SP110: variants seen among roughly 807,000 people sequenced by gnomAD.
SP110 encodes SP110 nuclear body protein.
In SP110, 62 loss-of-function variants were observed where a neutral mutation model predicts 92.7. That is an observed-to-expected ratio of 0.67 (90% CI 0.55 to 0.83). SP110 has a LOEUF of 0.83. SP110 is among the 40% of genes least tolerant of loss of function. The pLI is 0.00. For synonymous variants in SP110, 273 were observed against 305.3 expected (o/e 0.89, Z 1.10); for missense variants, 793 against 863.9 (o/e 0.92, Z 1.03).
intron 9 of SP110, among the ~76,000 whole-genome samples, chr2:230,201,616 C>T (rs1384213096): frequency 1.3e-5 from 2 of 152,174 alleles, no homozygotes; most frequent in African/African-American, 4.8e-5. Context: ...AACTGAAGAG[C>T]ACATATAAAG....
At chr2:230,186,658 G>C (rs75031524) in intron 10 of SP110, among the ~76,000 whole-genome samples, 2,744 of 151,910 alleles carry the variant, frequency 0.018, 74 homozygotes, top group African/African-American at 0.063. Flanking sequence ...CCCCTCCTCC[G>C]TCCCTCTCCT....
At chr2:230,183,696 T>C (rs767007337) in intron 11 of SP110, 56 bp from the exon 12 acceptor site, 34 of 1,113,502 alleles carry the variant, frequency 3.1e-5, no homozygotes, top group South Asian at 1.9e-4. Context: ...ATAAGCCTCA[T>C]AGGTTAACAA....
intron 14 of SP110, among the ~76,000 whole-genome samples, chr2:230,177,118 T>C (rs2041897579): frequency 6.6e-6 from 1 of 152,190 alleles, no homozygotes; most frequent in African/African-American, 2.4e-5. Flanking sequence ...AGGACAGGAA[T>C]AGTGTGCTGT....
At position 230,186,072 on chromosome 2, in the gene SP110, C is replaced by T. The variant is rs761627243; in HGVS notation, c.1201G>A (p.Asp401Asn). 6.8e-6 allele frequency: 11 copies of T among 1,613,998 alleles called. No individual in the cohort carries two copies. Among genetic ancestry groups the T allele is most frequent in the East Asian group, 4.5e-5 (2 of 44,886 alleles). Reference protein sequence around the residue: ...VVDKVTQRKDDSTWNSEVMMR... With the variant: ...VVDKVTQRKDNSTWNSEVMMR... ...ATGACCTCTGAGTTCCAGGTTGAGT[C>T]GTCTTTCCTTTGAGTCACCTTATCC... Residue 401 changes from aspartate to asparagine, a missense_variant, in exon 11 of 19, where the codon GAC (aspartate) becomes AAC (asparagine). Physicochemically the swap from Asp to Asn is conservative, Grantham distance 23. Transcript: ENST00000258381.
upstream of SP110, among the ~76,000 whole-genome samples, chr2:230,224,308 G>C (rs2046064266): frequency 6.6e-6 from 1 of 152,162 alleles, no homozygotes; most frequent in African/African-American, 2.4e-5. Flanking sequence ...AGAGAGAGAG[G>C]GGATGCTGGA....
At chr2:230,179,435 A>G (rs1193035044) in intron 12 of SP110, among the ~76,000 whole-genome samples, 5 of 134,798 alleles carry the variant, frequency 3.7e-5, no homozygotes, top group Non-Finnish European at 7.8e-5. Flanking sequence ...GACTCAACTC[A>G]GTAAATATGG....
chr2:230,172,729 GTC>G lies in SP110; in HGVS notation c.1706+113_1706+114del, dbSNP rs908464704. 45 of 698,744 alleles carry G rather than the reference GTC, an allele frequency of 6.4e-5. No homozygotes were observed. The East Asian group carries it at 1.2e-3, about 19-fold the overall frequency. 43.3% of individuals were successfully genotyped at this position (698,744 alleles called of 1,614,324 possible). ...TCTCAGAGACCCAGAGAGGCCCAGA[GTC>G]TCTGGCACCAGACTGCTCTGCGTCA... On this transcript the variant is annotated intron_variant, in intron 15 of 18. Transcript: ENST00000258381.
intron 4 of SP110, 139 bp downstream of exon 4, chr2:230,212,622 T>C (rs2044619912): frequency 1.6e-6 from 2 of 1,243,366 alleles, no homozygotes; most frequent in African/African-American, 1.5e-5. Flanking sequence ...TAATCCCTCT[T>C]GAAAAGGGTT....
intron 18 of SP110, among the ~76,000 whole-genome samples, chr2:230,170,301 A>G (rs1026435142): frequency 3.3e-5 from 5 of 152,094 alleles, no homozygotes. Flanking sequence ...ATGTAGGCAT[A>G]AACTGCCTTT....
chr2:230,180,508 T>G (rs189352186), intron 12 of SP110, among the ~76,000 whole-genome samples: 1 of 152,302 alleles, frequency 6.6e-6, no homozygotes, highest in East Asian at 1.9e-4. Context: ...CTGTGTCATC[T>G]ATCCGCATAA....
Position 230,171,379 on chromosome 2 carries a change from G to A in SP110, c.1887+317C>T, listed in dbSNP as rs575120102. ...AGTGCTGGGATTACAGGCGTGAGCC[G>A]CTGAGCCCAGCTGGCATCTGTGACT... On this transcript the variant is annotated intron_variant, in intron 17 of 18. Coordinates refer to ENST00000258381, the MANE Select transcript of SP110 (RefSeq NM_080424.4). The A allele has an allele frequency of 7.8e-4, 305 of 390,492 alleles. 1 individual carries two copies. The highest frequency in any genetic ancestry group is 1.3e-3 in the Non-Finnish European group (266 of 205,530). The allele number at this position is 390,492 out of a possible 1,614,324, so 24.2% of individuals were successfully genotyped here.
chr2:230,215,091 T>A lies in SP110; in HGVS notation c.175A>T (p.Ile59Phe). The A allele has an allele frequency of 1.9e-6, 3 of 1,613,934 alleles. No individual in the cohort carries two copies. Among genetic ancestry groups the A allele is most frequent in the South Asian group, 1.1e-5 (1 of 91,058 alleles). The change falls in exon 3 of 19, where the codon ATC (isoleucine) becomes TTC (phenylalanine). Residue 59 changes from isoleucine to phenylalanine, a missense_variant. Ile to Phe is a conservative substitution (Grantham distance 21, BLOSUM62 0). Transcript: ENST00000258381. Reference sequence around the variant, plus strand: ...TTGTGCACCACTCTGGATACAGGGATCAAATTTCTACAGGCTTCCAGAGAT... The same window carrying A: ...TTGTGCACCACTCTGGATACAGGGAACAAATTTCTACAGGCTTCCAGAGAT... Reference protein sequence around the residue: ...MESLEACRNLIPVSRVVHNIL... With the variant: ...MESLEACRNLFPVSRVVHNIL...
intron 8 of SP110, among the ~76,000 whole-genome samples, chr2:230,205,541 T>A (rs1354330340): frequency 6.6e-6 from 1 of 152,206 alleles, no homozygotes. Context: ...CCAGCCAGGA[T>A]GTAACCTCCA....
intron 10 of SP110, among the ~76,000 whole-genome samples, chr2:230,196,478 A>C (rs1261313065): frequency 1.3e-5 from 2 of 152,130 alleles, no homozygotes; most frequent in Non-Finnish European, 2.9e-5. Context: ...TACTTATACA[A>C]AAATAAAGTG....
intron 14 of SP110, chr2:230,176,391 G>A: frequency 8.2e-7 from 1 of 1,218,958 alleles, no homozygotes; most frequent in South Asian, 1.6e-5. Context: ...ATGTTGCCTA[G>A]GCTTAGAGCA....
chr2:230,224,699 T>C (rs945981008), upstream of SP110, among the ~76,000 whole-genome samples: 1 of 152,226 alleles, frequency 6.6e-6, no homozygotes, highest in Non-Finnish European at 1.5e-5. Flanking sequence ...TTTCCTTGCA[T>C]ATGTGTAATG....
chr2:230,177,824 G>T lies in SP110; in HGVS notation c.1448-144C>A. The T allele has an allele frequency of 7.3e-6, 7 of 962,162 alleles. No homozygotes were observed. The South Asian group carries it at 9.1e-5, about 12-fold the overall frequency. 59.6% of individuals were successfully genotyped at this position (962,162 alleles called of 1,614,324 possible). A position where few individuals can be genotyped will look rare whatever the true frequency, so the allele number is the denominator to read the frequency against. The stretch of plus-strand genomic sequence containing the variant: ...TGGAAGGAGTAGCAGGGGAGTCTGC[G>T]GGCCTCTTCTCTTGGACTGAAGCCA... On this transcript the variant is annotated intron_variant, in intron 13 of 18. Coordinates refer to ENST00000258381, the MANE Select transcript of SP110 (RefSeq NM_080424.4).
chr2:230,171,752 G>T lies in SP110; in HGVS notation c.1831C>A (p.Leu611Ile). 6.2e-7 allele frequency: 1 copy of T among 1,612,926 alleles called. No individual in the cohort carries two copies. The highest frequency in any genetic ancestry group is 8.5e-7 in the Non-Finnish European group (1 of 1,178,870). Residue 611 changes from leucine (L) to isoleucine (I), a missense_variant, in exon 17 of 19, where the codon CTC becomes ATC. Coordinates refer to ENST00000258381, the MANE Select transcript of SP110 (RefSeq NM_080424.4). The stretch of plus-strand genomic sequence containing the variant: ...TGTGGATGACAGTAGGCCTTCAAGA[G>T]GAGGAACTCACATTTCTGTAAAATG... ...PQDQLKCEFL[L>I]LKAYCHPQSS...
At chr2:230,170,825 T>C in intron 17 of SP110, 64 bp from the exon 18 acceptor site, 1 of 1,521,826 alleles carries the variant, frequency 6.6e-7, no homozygotes, top group Non-Finnish European at 9.1e-7. Context: ...GGATCCAACT[T>C]AAATACAATC....
Sources: gnomAD v4.1 joint callset for allele counts (sites outside exome capture counted in the v4.1 genomes callset) on GRCh38, gnomAD v4.1.1 for gene constraint, MANE v1.5 for transcripts, NCBI Gene and HGNC (gene_info 2026-07-23, HGNC 2026-07-21) for gene names.